Variants in FOXP1 observed in about 807,000 individuals in gnomAD.
FOXP1 encodes forkhead box protein P1.
A neutral mutation model predicts 98.2 loss-of-function variants in FOXP1; 15 were observed. That is an observed-to-expected ratio of 0.15 (90% CI 0.10 to 0.24). The LOEUF is 0.24. FOXP1 is among the 10% of genes least tolerant of loss of function. The pLI, the probability that FOXP1 is intolerant of heterozygous loss-of-function variation, is 1.00. For missense variants in FOXP1, 633 were observed against 848.5 expected (o/e 0.75, Z 3.15); for synonymous variants, 371 against 314.5 (o/e 1.18, Z -1.90).
intron 6 of FOXP1, among the ~76,000 whole-genome samples, chr3:71,184,331 T>C (rs2062516930): frequency 6.6e-6 from 1 of 152,166 alleles, no homozygotes; most frequent in Non-Finnish European, 1.5e-5. Flanking sequence ...GGTGTACAAA[T>C]TTACACTGCC....
At chr3:71,400,675 G>A (rs1432994048) in intron 3 of FOXP1, among the ~76,000 whole-genome samples, 7 of 152,154 alleles carry the variant, frequency 4.6e-5, no homozygotes, top group East Asian at 3.9e-4. Flanking sequence ...TGTAATTAAT[G>A]CTTTGTGTGG....
At chr3:71,040,872 G>GA (rs1216169926) in intron 11 of FOXP1, among the ~76,000 whole-genome samples, 1 of 152,130 alleles carries the variant, frequency 6.6e-6, no homozygotes, top group African/African-American at 2.4e-5. Context: ...GCACAATGAT[G>GA]AAAAACATGG....
chr3:71,061,341 A>C (rs969582321), intron 7 of FOXP1, among the ~76,000 whole-genome samples: 1 of 152,228 alleles, frequency 6.6e-6, no homozygotes, highest in Non-Finnish European at 1.5e-5. Context: ...TCACCAATGT[A>C]ACTTGCAGTC....
chr3:71,085,034 T>C (rs540159240), intron 7 of FOXP1, among the ~76,000 whole-genome samples: 7 of 152,378 alleles, frequency 4.6e-5, no homozygotes, highest in East Asian at 1.9e-4. Flanking sequence ...TCCTTGTTAG[T>C]GGCTGTTCAT....
At chr3:71,159,413 C>A (rs1024593294) in intron 6 of FOXP1, among the ~76,000 whole-genome samples, 1 of 152,172 alleles carries the variant, frequency 6.6e-6, no homozygotes, top group African/African-American at 2.4e-5. Flanking sequence ...GAGATGCCAA[C>A]AAGTTATTTT....
intron 4 of FOXP1, among the ~76,000 whole-genome samples, chr3:71,356,804 G>A (rs111294269): frequency 3.8e-4 from 58 of 152,238 alleles, no homozygotes; most frequent in African/African-American, 1.3e-3. Context: ...GAGTTTCTGC[G>A]AATGCATCCA....
At chr3:71,109,979 C>T (rs928707331) in intron 7 of FOXP1, among the ~76,000 whole-genome samples, 1 of 152,116 alleles carries the variant, frequency 6.6e-6, no homozygotes, top group African/African-American at 2.4e-5. Flanking sequence ...ATCTTCTTTA[C>T]CAAAACCAGC....
At chr3:71,434,168 A>G (rs1276541686) in intron 3 of FOXP1, among the ~76,000 whole-genome samples, 2 of 152,204 alleles carry the variant, frequency 1.3e-5, no homozygotes, top group Non-Finnish European at 2.9e-5. Flanking sequence ...CAACTTGAAG[A>G]AACAGGACAA....
At chr3:71,146,565 A>T (rs1030466661) in intron 6 of FOXP1, among the ~76,000 whole-genome samples, 7 of 152,230 alleles carry the variant, frequency 4.6e-5, no homozygotes, top group Non-Finnish European at 1.0e-4. Context: ...GGACCTTCAC[A>T]AAAGAGAGGA....
intron 5 of FOXP1, among the ~76,000 whole-genome samples, chr3:71,200,481 T>G (rs1009567561): frequency 5.9e-5 from 9 of 152,166 alleles, no homozygotes; most frequent in Admixed American, 1.3e-4. Context: ...TTTACCACAA[T>G]GTGTATTTTT....
At chr3:70,979,802 G>A (rs1006770288) in intron 14 of FOXP1, among the ~76,000 whole-genome samples, 3 of 151,446 alleles carry the variant, frequency 2.0e-5, no homozygotes, top group African/African-American at 7.3e-5. Flanking sequence ...AAGGGAGGGG[G>A]GCCTGAGAAT....
chr3:71,212,949 A>AATATATAT (rs3033230), intron 5 of FOXP1, among the ~76,000 whole-genome samples: 363 of 147,850 alleles, frequency 2.5e-3, no homozygotes, highest in African/African-American at 8.2e-3. Context: ...ACAAAATGGG[A>AATATATAT]ATATATATAT....
chr3:71,129,729 T>C lies in FOXP1; in HGVS notation c.181-17092A>G, dbSNP rs575045937. The stretch of plus-strand genomic sequence containing the variant: ...AACCTTTTTCAAAAATGTCAAATCA[T>C]GTGTTTAAAAAGTCATTTCAACAGA... On this transcript the variant is annotated intron_variant, in intron 6 of 20. Coordinates refer to ENST00000649528, the MANE Select transcript of FOXP1 (RefSeq NM_001349338.3). 1.1e-4 allele frequency among the ~76,000 whole-genome samples: 16 copies of C among 152,064 alleles called. No homozygotes were observed. The South Asian group carries it at 2.5e-3, about 24-fold the overall frequency.
At chr3:71,145,144 T>C (rs1029457981) in intron 6 of FOXP1, among the ~76,000 whole-genome samples, 1 of 152,212 alleles carries the variant, frequency 6.6e-6, no homozygotes, top group African/African-American at 2.4e-5. Flanking sequence ...AACCTTAGCC[T>C]ATAGGTTTTT....
At chr3:71,052,006 T>G (rs1261858943) in intron 9 of FOXP1, among the ~76,000 whole-genome samples, 1 of 152,226 alleles carries the variant, frequency 6.6e-6, no homozygotes, top group African/African-American at 2.4e-5. Context: ...CTCTGGCACA[T>G]GCCTTTAGCA....
At chr3:71,409,925 G>A (rs527616584) in intron 3 of FOXP1, among the ~76,000 whole-genome samples, 1 of 152,272 alleles carries the variant, frequency 6.6e-6, no homozygotes, top group East Asian at 1.9e-4. Context: ...TGAGACGGGA[G>A]GATAACCTGA....
At chr3:71,223,155 T>TA (rs946445790) in intron 5 of FOXP1, among the ~76,000 whole-genome samples, 7 of 152,186 alleles carry the variant, frequency 4.6e-5, no homozygotes, top group Non-Finnish European at 8.8e-5. Context: ...TCCCCCATTC[T>TA]AAAAAGAGTC....
intron 14 of FOXP1, among the ~76,000 whole-genome samples, chr3:70,980,799 G>A (rs762748013): frequency 4.6e-5 from 7 of 152,122 alleles, no homozygotes; most frequent in Admixed American, 1.3e-4. Context: ...CCCTTGAAGC[G>A]CTTACCATCA....
chr3:70,956,907 G>A lies in FOXP1; in HGVS notation c.*2340C>T, dbSNP rs562524962. On this transcript the variant is annotated 3_prime_UTR_variant, in exon 21 of 21. Coordinates refer to ENST00000649528, the MANE Select transcript of FOXP1 (RefSeq NM_001349338.3). Reference sequence around the variant, plus strand: ...TACTTTTCTTTAAATGAAAAATGCTGACCAAAGCCTAATCGGAAAAAAAGG... The same window carrying A: ...TACTTTTCTTTAAATGAAAAATGCTAACCAAAGCCTAATCGGAAAAAAAGG... 7.7e-4 allele frequency: 167 copies of A among 218,252 alleles called. No individual in the cohort carries two copies. The highest frequency in any genetic ancestry group is 3.5e-3 in the African/African-American group (156 of 44,378). The allele number at this position is 218,252 out of a possible 1,614,324, so 13.5% of individuals were successfully genotyped here.
Sources: gnomAD v4.1 joint callset for allele counts (sites outside exome capture counted in the v4.1 genomes callset) on GRCh38, gnomAD v4.1.1 for gene constraint, MANE v1.5 for transcripts, NCBI Gene and HGNC (gene_info 2026-07-23, HGNC 2026-07-21) for gene names.